Variants in CFAP61 observed in about 807,000 individuals in gnomAD.
CFAP61 encodes cilia and flagella associated protein 61.
A neutral mutation model predicts 135.6 loss-of-function variants in CFAP61; 107 were observed. The observed-to-expected ratio is 0.79, with a 90% CI of 0.67 to 0.93. The LOEUF (loss-of-function observed/expected upper bound fraction) is 0.93. CFAP61 is among the 40% of genes least tolerant of loss of function. CFAP61 has a pLI of 0.00. For synonymous variants in CFAP61, 575 were observed against 578.5 expected (o/e 0.99, Z 0.09); for missense variants, 1,507 against 1,556.2 (o/e 0.97, Z 0.53).
At chr20:20,140,131 T>TA (rs1383379829) in intron 8 of CFAP61, among the ~76,000 whole-genome samples, 6 of 118,720 alleles carry the variant, frequency 5.1e-5, no homozygotes, top group African/African-American at 1.6e-4. Context: ...GCTGGAAATT[T>TA]TTTTTTTTTT....
At chr20:20,183,173 T>C (rs1427543680) in intron 13 of CFAP61, among the ~76,000 whole-genome samples, 1 of 130,612 alleles carries the variant, frequency 7.7e-6, no homozygotes, top group East Asian at 2.1e-4. Context: ...TTTTTTTTTT[T>C]AGATAGAGTC....
chr20:20,348,261 C>T (rs1157110720), intron 26 of CFAP61, among the ~76,000 whole-genome samples: 1 of 152,062 alleles, frequency 6.6e-6, no homozygotes, highest in African/African-American at 2.4e-5. Flanking sequence ...GCAAAAATAG[C>T]CAGCAGATTA....
chr20:20,219,533 A>G (rs1487200638), intron 17 of CFAP61, among the ~76,000 whole-genome samples: 1 of 152,198 alleles, frequency 6.6e-6, no homozygotes, highest in Non-Finnish European at 1.5e-5. Flanking sequence ...CCCACCATTT[A>G]TGATATGGAT....
chr20:20,315,929 TG>T (rs1397474560), intron 25 of CFAP61, among the ~76,000 whole-genome samples: 3 of 152,200 alleles, frequency 2.0e-5, no homozygotes, highest in Admixed American at 2.0e-4. Context: ...CATGCTGTTT[TG>T]GTTACTGTAG....
At chr20:20,168,113 A>T (rs1198604467) in intron 12 of CFAP61, among the ~76,000 whole-genome samples, 2 of 152,196 alleles carry the variant, frequency 1.3e-5, no homozygotes, top group African/African-American at 4.8e-5. Context: ...ATAGGGTCTC[A>T]CTTTGTTGCA....
At chr20:20,324,201 G>C (rs1287576691) in intron 25 of CFAP61, among the ~76,000 whole-genome samples, 1 of 152,058 alleles carries the variant, frequency 6.6e-6, no homozygotes, top group Non-Finnish European at 1.5e-5. Context: ...TTCCTTCACA[G>C]AGCTTAAGAT....
intron 21 of CFAP61, among the ~76,000 whole-genome samples, chr20:20,270,644 T>C (rs1354540366): frequency 6.6e-6 from 1 of 151,758 alleles, no homozygotes; most frequent in Non-Finnish European, 1.5e-5. Context: ...TTGATTAACA[T>C]AAATTGAAGA....
chr20:20,263,974 T>A (rs1258879572), intron 21 of CFAP61, among the ~76,000 whole-genome samples: 1 of 152,184 alleles, frequency 6.6e-6, no homozygotes, highest in Non-Finnish European at 1.5e-5. Context: ...TTAATACATG[T>A]ATATAAATAT....
At chr20:20,089,164 C>G (rs889493899) in intron 6 of CFAP61, among the ~76,000 whole-genome samples, 2 of 152,148 alleles carry the variant, frequency 1.3e-5, no homozygotes, top group African/African-American at 4.8e-5. Context: ...TTTTGAAGTG[C>G]ATTGTCAGCT....
chr20:20,100,837 C>G (rs1418183699), intron 8 of CFAP61, among the ~76,000 whole-genome samples: 1 of 152,062 alleles, frequency 6.6e-6, no homozygotes, highest in Non-Finnish European at 1.5e-5. Flanking sequence ...TAGCAAGAGC[C>G]CACAGAGATA....
Position 20,263,001 on chromosome 20 carries a change from AG to A in CFAP61, c.2377del (p.Glu793ArgfsTer31). 1 of 1,613,956 alleles carries A rather than the reference AG, an allele frequency of 6.2e-7. No individual in the cohort carries two copies. The highest frequency in any genetic ancestry group is 8.5e-7 in the Non-Finnish European group (1 of 1,179,920). On this transcript the variant is annotated frameshift_variant, in exon 21 of 27. Coordinates refer to ENST00000245957, the MANE Select transcript of CFAP61 (RefSeq NM_015585.4). LOFTEE classifies it high-confidence loss of function. ...EADISQHLTN[R>X]EVPNSSQRRY... ...TGATATTAGTCAACACCTGACAAAC[AG>A]GGAGGTTCCCAACAGCAGTCAGCGG...
chr20:20,316,778 A>C (rs1372900702), intron 25 of CFAP61: 1 of 150,662 alleles, frequency 6.6e-6, no homozygotes, highest in East Asian at 2.0e-4. Context: ...GCTACTCGGG[A>C]GGCTGAGGCA....
At chr20:20,097,360 T>C (rs2047661966) in intron 7 of CFAP61, among the ~76,000 whole-genome samples, 1 of 152,204 alleles carries the variant, frequency 6.6e-6, no homozygotes, top group Non-Finnish European at 1.5e-5. Context: ...TCAACCAGAA[T>C]TTGCTTAAAA....
chr20:20,141,930 T>C (rs1648583038), intron 8 of CFAP61, among the ~76,000 whole-genome samples: 1 of 152,096 alleles, frequency 6.6e-6, no homozygotes, highest in South Asian at 2.1e-4. Context: ...GCAGCGCTTC[T>C]GAGGAGGGGC....
chr20:20,069,258 T>G (rs767293772), intron 2 of CFAP61, among the ~76,000 whole-genome samples: 4 of 152,204 alleles, frequency 2.6e-5, no homozygotes, highest in Non-Finnish European at 5.9e-5. Flanking sequence ...GGTTGTGAGA[T>G]TCCATTTTTA....
chr20:20,288,346 T>C (rs1214630420), intron 22 of CFAP61, among the ~76,000 whole-genome samples: 3 of 152,186 alleles, frequency 2.0e-5, no homozygotes, highest in Non-Finnish European at 4.4e-5. Context: ...CACACTTTTG[T>C]GGGAGATATT....
chr20:20,243,882 T>C (rs1302240837), intron 18 of CFAP61, among the ~76,000 whole-genome samples: 3 of 152,128 alleles, frequency 2.0e-5, no homozygotes, highest in Non-Finnish European at 4.4e-5. Flanking sequence ...GGTACAGGCA[T>C]TGGGTAAATA....
intron 9 of CFAP61, among the ~76,000 whole-genome samples, chr20:20,145,179 C>T (rs1015754798): frequency 6.6e-6 from 1 of 152,020 alleles, no homozygotes; most frequent in African/African-American, 2.4e-5. Flanking sequence ...ATAGTGACTT[C>T]ACAAACAAAA....
intron 21 of CFAP61, among the ~76,000 whole-genome samples, chr20:20,264,945 T>G (rs1050480494): frequency 6.6e-6 from 1 of 152,352 alleles, no homozygotes; most frequent in South Asian, 2.1e-4. Context: ...GTTGCAACTC[T>G]TCAACTCTGC....
Sources: allele counts gnomAD v4.1 joint callset (sites outside exome capture counted in the v4.1 genomes callset), GRCh38; gene constraint gnomAD v4.1.1; transcripts MANE v1.5; gene names NCBI Gene and HGNC (gene_info 2026-07-23, HGNC 2026-07-21).